The following DZIP1 variants were observed in gnomAD, a reference collection of about 807,000 sequenced individuals.
DZIP1 encodes cilium assembly protein DZIP1.
A neutral mutation model predicts 107.6 loss-of-function variants in DZIP1; 97 were observed. The observed-to-expected ratio is 0.90, with a 90% CI of 0.77 to 1.07. The LOEUF (loss-of-function observed/expected upper bound fraction) is 1.07, where lower values mean the gene tolerates loss of function less well. Ranked by LOEUF, DZIP1 falls within the 50% of genes least tolerant of loss-of-function variation. The pLI is 0.00. For missense variants in DZIP1, 1,035 were observed against 1,063.6 expected, an observed-to-expected ratio of 0.97 and a Z score of 0.37; for synonymous variants, 390 against 386.4, an observed-to-expected ratio of 1.01 and a Z score of -0.11.
In DZIP1 at chr13:95,599,360, G is replaced by A. The variant is rs1414126938; in HGVS notation, c.1537+5C>T. The A allele has an allele frequency of 6.2e-7, 1 of 1,612,700 alleles. No individual in the cohort carries two copies. Among genetic ancestry groups the A allele is most frequent in the African/African-American group, 1.3e-5 (1 of 74,860 alleles). ...GCAGGTAAACCTGATCAAGCCCTTT[G>A]TTACCTTTTTCTTCCTCTGAAAGTT... On this transcript the variant is annotated splice_donor_5th_base_variant and intron_variant, in intron 15 of 22. Transcript: ENST00000376829.
chr13:95,618,291 T>C (rs1381234982), intron 10 of DZIP1, among the ~76,000 whole-genome samples: 2 of 152,230 alleles, frequency 1.3e-5, no homozygotes, highest in Non-Finnish European at 2.9e-5. Context: ...GTGTAGTACA[T>C]AGCAGATGCT....
At chr13:95,602,981 A>G (rs1262942985) in intron 14 of DZIP1, among the ~76,000 whole-genome samples, 1 of 152,212 alleles carries the variant, frequency 6.6e-6, no homozygotes, top group Non-Finnish European at 1.5e-5. Context: ...GATGTAGAAT[A>G]CTTGCTTTGA....
intron 10 of DZIP1, among the ~76,000 whole-genome samples, 185 bp downstream of exon 10, chr13:95,619,695 AAAAAG>A (rs1875577139): frequency 6.6e-6 from 1 of 152,174 alleles, no homozygotes; most frequent in Non-Finnish European, 1.5e-5. Context: ...GAGAAAAAAA[AAAAAG>A]AAAACAAATT....
intron 12 of DZIP1, among the ~76,000 whole-genome samples, chr13:95,609,799 C>T (rs183890195): frequency 1.3e-5 from 2 of 152,210 alleles, no homozygotes; most frequent in African/African-American, 4.8e-5. Context: ...AACAACAACC[C>T]TCTTTCCCGA....
At chr13:95,623,545 T>C (rs911423038) in intron 8 of DZIP1, among the ~76,000 whole-genome samples, 2 of 152,196 alleles carry the variant, frequency 1.3e-5, no homozygotes, top group African/African-American at 4.8e-5. Flanking sequence ...TTACCAAACA[T>C]GGCTGTGTTT....
At chr13:95,613,396 C>A (rs1414204277) in intron 10 of DZIP1, among the ~76,000 whole-genome samples, 1 of 151,974 alleles carries the variant, frequency 6.6e-6, no homozygotes, top group African/African-American at 2.4e-5. Flanking sequence ...GCCTGTAATC[C>A]CATCTACTCA....
intron 5 of DZIP1, among the ~76,000 whole-genome samples, chr13:95,639,338 C>T (rs1878201519): frequency 6.6e-6 from 1 of 152,062 alleles, no homozygotes; most frequent in African/African-American, 2.4e-5. Context: ...CGTCTGTAAT[C>T]CCAGCATTTT....
intron 5 of DZIP1, among the ~76,000 whole-genome samples, chr13:95,635,258 G>C (rs557969389): frequency 1.4e-5 from 2 of 143,448 alleles, no homozygotes; most frequent in African/African-American, 5.2e-5. Context: ...GTACAGTGGC[G>C]TAATCATGGC....
intron 7 of DZIP1, among the ~76,000 whole-genome samples, chr13:95,625,581 A>G (rs977568346): frequency 1.2e-4 from 18 of 152,182 alleles, no homozygotes; most frequent in African/African-American, 4.1e-4. Context: ...AAAATCATGC[A>G]AAGATTCTTC....
chr13:95,630,250 G>A lies in DZIP1; in HGVS notation c.686-137C>T. ...TACGATTACTTGTTTCATGCCACATGAGCCAATTTTTGCTCTTTAGTTTAT... is the reference window on the plus strand; with the variant it reads ...TACGATTACTTGTTTCATGCCACATAAGCCAATTTTTGCTCTTTAGTTTAT... On this transcript the variant is annotated intron_variant, in intron 6 of 22. Coordinates refer to ENST00000376829, the MANE Select transcript of DZIP1 (RefSeq NM_198968.4). 2.7e-6 allele frequency: 3 copies of A among 1,114,582 alleles called. 1 individual carries two copies. Among genetic ancestry groups the A allele is most frequent in the Middle Eastern group, 4.8e-4 (2 of 4,128 alleles). The allele number at this position is 1,114,582 out of a possible 1,614,324, so 69.0% of individuals were successfully genotyped here.
intron 10 of DZIP1, among the ~76,000 whole-genome samples, chr13:95,614,125 CA>C (rs11327779): frequency 0.71 from 52,277 of 73,524 alleles, 16,685 homozygotes; most frequent in South Asian, 0.78. Flanking sequence ...GACCCTGTCT[CA>C]AAAAAAAAAA....
At chr13:95,626,587 CT>C (rs912068447) in intron 7 of DZIP1, among the ~76,000 whole-genome samples, 2 of 152,086 alleles carry the variant, frequency 1.3e-5, no homozygotes, top group African/African-American at 4.8e-5. Flanking sequence ...GACCAGATGG[CT>C]TTACTGGTGA....
At chr13:95,630,185 C>A in intron 6 of DZIP1, 72 bp from the exon 7 acceptor site, 1 of 1,489,496 alleles carries the variant, frequency 6.7e-7, no homozygotes, top group Non-Finnish European at 9.0e-7. Flanking sequence ...GGGGTACAGT[C>A]CTGTTGATAA....
intron 18 of DZIP1, 138 bp from the exon 19 acceptor site, chr13:95,589,345 A>G: frequency 1.5e-6 from 1 of 660,668 alleles, no homozygotes; most frequent in East Asian, 2.7e-5. Context: ...ACCCAGCGTC[A>G]GTTAGAGACT....
chr13:95,641,664 G>A lies in DZIP1; in HGVS notation c.228C>T (p.Asp76=), dbSNP rs1320362425. ...CCACAGCCCCCGCCACCTTGTCCAC[G>A]TCGATGGCGCTCAGCCGCCGCCAGT... ...SVDWRRLSAI[D]VDKVAGAVDV... Residue 76 remains aspartate (D), a synonymous_variant, in exon 5 of 23, where the codon GAC becomes GAT. Coordinates refer to ENST00000376829, the MANE Select transcript of DZIP1 (RefSeq NM_198968.4). The surrounding 1 kb of genome is among the most constrained non-coding windows in gnomAD (Gnocchi z 4.3). 1 of 1,607,586 alleles carries A rather than the reference G, an allele frequency of 6.2e-7. No homozygotes were observed. Among genetic ancestry groups the A allele is most frequent in the Non-Finnish European group, 8.5e-7 (1 of 1,179,982 alleles).
intron 16 of DZIP1, among the ~76,000 whole-genome samples, chr13:95,592,598 T>G (rs371015586): frequency 3.3e-5 from 5 of 152,214 alleles, no homozygotes; most frequent in Non-Finnish European, 5.9e-5. Flanking sequence ...GTACTAAACA[T>G]ATGCCTACCC....
In DZIP1 at chr13:95,642,260, C is replaced by T. The variant is rs1178644131; in HGVS notation, c.-212-19G>A. 1 of 496,184 alleles carries T rather than the reference C, an allele frequency of 2.0e-6. No homozygotes were observed. The highest frequency in any genetic ancestry group is 3.4e-6 in the Non-Finnish European group (1 of 291,012). 30.7% of individuals were successfully genotyped at this position (496,184 alleles called of 1,614,324 possible). On this transcript the variant is annotated intron_variant, in intron 3 of 22. Coordinates refer to ENST00000376829, the MANE Select transcript of DZIP1 (RefSeq NM_198968.4). ...CAGAACCCTGCGGGACCAGAGAAGA[C>T]CTCTTGGACGAGCCCGAGTGGACAC...
chr13:95,628,093 G>A (rs1165065759), intron 7 of DZIP1, among the ~76,000 whole-genome samples: 3 of 151,776 alleles, frequency 2.0e-5, no homozygotes, highest in Non-Finnish European at 4.4e-5. Flanking sequence ...CAAATGGGGT[G>A]CAGCGGTGTG....
At chr13:95,591,254 C>T (rs952988574) in intron 16 of DZIP1, among the ~76,000 whole-genome samples, 2 of 152,034 alleles carry the variant, frequency 1.3e-5, no homozygotes, top group African/African-American at 4.8e-5. Context: ...GTCTCGAACT[C>T]CTGACCTCGT....
Sources: allele counts gnomAD v4.1 joint callset (sites outside exome capture counted in the v4.1 genomes callset), GRCh38; gene constraint gnomAD v4.1.1; non-coding constraint Gnocchi (gnomAD v3.1); transcripts MANE v1.5; gene names NCBI Gene and HGNC (gene_info 2026-07-23, HGNC 2026-07-21).